The following KCNQ4 variants were observed in gnomAD, a reference collection of about 807,000 sequenced individuals.
The protein encoded by KCNQ4 is potassium voltage-gated channel subfamily KQT member 4.
Under a neutral mutation model 72.6 loss-of-function variants are expected in KCNQ4, and 31 were observed. The ratio of observed to expected loss-of-function variants is 0.43; its 90% CI spans 0.32 to 0.58. The LOEUF (loss-of-function observed/expected upper bound fraction) is 0.58. Ranked by LOEUF, KCNQ4 falls within the 20% of genes least tolerant of loss-of-function variation. The pLI, the probability that KCNQ4 is intolerant of heterozygous loss-of-function variation, is 0.08. For synonymous variants in KCNQ4, 405 were observed against 403.7 expected (o/e 1.00, Z -0.04); for missense variants, 869 against 962.6 (o/e 0.90, Z 1.29).
chr1:40,808,951 G>GC (rs1234334123), intron 1 of KCNQ4, among the ~76,000 whole-genome samples: 2 of 151,998 alleles, frequency 1.3e-5, no homozygotes, highest in African/African-American at 4.8e-5. Flanking sequence ...CCTCCTCACT[G>GC]CCCCTCCCCT....
intron 1 of KCNQ4, among the ~76,000 whole-genome samples, chr1:40,815,578 T>G (rs1648062445): frequency 6.6e-6 from 1 of 152,174 alleles, no homozygotes; most frequent in Non-Finnish European, 1.5e-5. Context: ...TACCCCGTGT[T>G]TTTGCTGACT....
At position 40,840,187 on chromosome 1, in the gene KCNQ4, A is replaced by C. The variant is rs1648935360; in HGVS notation, c.*1664A>C. ...GCCTCTGCCCCAACATGCCCTCTGC[A>C]TGTGACCGTCATGCCCTGGATGGAG... On this transcript the variant is annotated 3_prime_UTR_variant, in exon 14 of 14. Transcript: ENST00000347132. 1 of 152,322 alleles carries C rather than the reference A, an allele frequency of 6.6e-6. No individual in the cohort carries two copies. Among genetic ancestry groups the C allele is most frequent in the African/African-American group, 2.4e-5 (1 of 41,374 alleles). The allele number at this position is 152,322 out of a possible 1,614,324, so 9.4% of individuals were successfully genotyped here.
chr1:40,811,221 C>T (rs990449788), intron 1 of KCNQ4, among the ~76,000 whole-genome samples: 6 of 152,148 alleles, frequency 3.9e-5, no homozygotes, highest in Non-Finnish European at 5.9e-5. Flanking sequence ...TTCAGGTCAC[C>T]ACATGAGAGC....
chr1:40,820,569 C>T (rs1648258116), intron 7 of KCNQ4, among the ~76,000 whole-genome samples: 1 of 152,248 alleles, frequency 6.6e-6, no homozygotes, highest in Non-Finnish European at 1.5e-5. Context: ...GCTGGGAGGC[C>T]TCTGGTGGAG....
chr1:40,806,879 C>T (rs576980697), intron 1 of KCNQ4, among the ~76,000 whole-genome samples: 1 of 152,314 alleles, frequency 6.6e-6, no homozygotes, highest in African/African-American at 2.4e-5. Context: ...TCAGCCCAAC[C>T]TATGGGTGGG....
chr1:40,788,842 C>T lies in KCNQ4; in HGVS notation c.314+4435C>T, dbSNP rs995525834. On this transcript the variant is annotated intron_variant, in intron 1 of 13. Coordinates refer to ENST00000347132, the MANE Select transcript of KCNQ4 (RefSeq NM_004700.4). The surrounding 1 kb of genome is among the most constrained non-coding windows in gnomAD (Gnocchi z 4.5). ...TTAGTTGTAGACCACGTCACTGCTG[C>T]GTACCTGTCTGAATGTCTCACACAT... 2.0e-5 allele frequency among the ~76,000 whole-genome samples: 3 copies of T among 152,228 alleles called. No individual in the cohort carries two copies. Among genetic ancestry groups the T allele is most frequent in the Non-Finnish European group, 2.9e-5 (2 of 68,036 alleles).
chr1:40,832,971 T>G, intron 10 of KCNQ4, 43 bp from the exon 11 acceptor site: 1 of 1,429,182 alleles, frequency 7.0e-7, no homozygotes, highest in African/African-American at 1.4e-5. Flanking sequence ...AGGTTGGGAG[T>G]GGCCCCTTTG....
chr1:40,826,840 T>G, intron 9 of KCNQ4: 1 of 352,454 alleles, frequency 2.8e-6, no homozygotes, highest in Non-Finnish European at 5.8e-6. Context: ...CCCCTCGCCT[T>G]TCTGGGATGC....
At chr1:40,831,380 A>G in intron 10 of KCNQ4, 76 bp downstream of exon 10, 2 of 1,267,424 alleles carry the variant, frequency 1.6e-6, no homozygotes, top group Non-Finnish European at 2.2e-6. Flanking sequence ...GGCTGGGAGC[A>G]GAAAGATCTG....
At chr1:40,812,512 C>T (rs750398071) in intron 1 of KCNQ4, among the ~76,000 whole-genome samples, 3 of 152,194 alleles carry the variant, frequency 2.0e-5, no homozygotes, top group Non-Finnish European at 1.5e-5. Context: ...ATCCTCCCAC[C>T]TTGGACTCCC....
rs202017676 is a variant in KCNQ4 at position 40,822,337 on chromosome 1, C to T, written c.1065C>T (p.Thr355=). 18 of 1,589,610 alleles carry T rather than the reference C, an allele frequency of 1.1e-5. No individual in the cohort carries two copies. The highest frequency in any genetic ancestry group is 1.7e-4 in the Middle Eastern group (1 of 5,944). The change falls in exon 8 of 14, where the codon ACC becomes ACT. Residue 355 remains threonine, a synonymous_variant. Coordinates refer to ENST00000347132, the MANE Select transcript of KCNQ4 (RefSeq NM_004700.4). The stretch of plus-strand genomic sequence containing the variant: ...AGGCTGCCTGGCGCCTGTACTCCAC[C>T]GATATGAGCCGGGCCTACCTGACAG... ...LIQAAWRLYS[T]DMSRAYLTAT...
chr1:40,824,360 T>C, intron 9 of KCNQ4, 102 bp downstream of exon 9: 1 of 1,305,562 alleles, frequency 7.7e-7, no homozygotes. Flanking sequence ...ACTTCGTGGG[T>C]GTCTGGGCCT....
At chr1:40,818,389 A>G in intron 3 of KCNQ4, 99 bp downstream of exon 3, 1 of 1,582,526 alleles carries the variant, frequency 6.3e-7, no homozygotes, top group East Asian at 2.2e-5. Context: ...ACCCGCACAG[A>G]TTCAGCGGAC....
chr1:40,804,126 G>A (rs1172569105), intron 1 of KCNQ4, among the ~76,000 whole-genome samples: 4 of 152,182 alleles, frequency 2.6e-5, no homozygotes, highest in African/African-American at 9.7e-5. Flanking sequence ...GCTCCTTTGA[G>A]GTTACCCTGA....
At chr1:40,830,150 G>A (rs1337599917) in intron 9 of KCNQ4, among the ~76,000 whole-genome samples, 1 of 152,126 alleles carries the variant, frequency 6.6e-6, no homozygotes. Context: ...CTTTAGCGGG[G>A]ATCCAAGACC....
intron 10 of KCNQ4, 35 bp downstream of exon 10, chr1:40,831,339 C>A: frequency 6.5e-7 from 1 of 1,532,626 alleles, no homozygotes; most frequent in Non-Finnish European, 8.9e-7. Flanking sequence ...GATCGAGGGC[C>A]GGCTGAGGGT....
intron 8 of KCNQ4, among the ~76,000 whole-genome samples, 177 bp downstream of exon 8, chr1:40,822,579 C>A (rs534586291): frequency 6.6e-6 from 1 of 152,182 alleles, no homozygotes; most frequent in Non-Finnish European, 1.5e-5. Flanking sequence ...TTATTCCACT[C>A]TGCTATGCCC....
At chr1:40,802,368 A>G (rs1001748565) in intron 1 of KCNQ4, among the ~76,000 whole-genome samples, 2 of 152,006 alleles carry the variant, frequency 1.3e-5, no homozygotes, top group African/African-American at 4.8e-5. Flanking sequence ...CGCGTTTTCA[A>G]TTGTTAATTT....
chr1:40,785,641 T>C (rs1341669597), intron 1 of KCNQ4, among the ~76,000 whole-genome samples: 7 of 152,084 alleles, frequency 4.6e-5, no homozygotes, highest in Admixed American at 1.3e-4. Context: ...TGTGCAGTTA[T>C]CCGGGTGCCT....
Sources: gnomAD v4.1 joint callset for allele counts (sites outside exome capture counted in the v4.1 genomes callset) on GRCh38, gnomAD v4.1.1 for gene constraint, Gnocchi (gnomAD v3.1) non-coding constraint, MANE v1.5 for transcripts, NCBI Gene and HGNC (gene_info 2026-07-23, HGNC 2026-07-21) for gene names.